KAZN: variants seen among roughly 807,000 people sequenced by gnomAD.
KAZN encodes the protein kazrin.
In KAZN, 40 loss-of-function variants were observed where a neutral mutation model predicts 87.4. That is an observed-to-expected ratio of 0.46 (90% CI 0.36 to 0.60). KAZN has a LOEUF of 0.60. Ranked by LOEUF, KAZN falls within the 20% of genes least tolerant of loss-of-function variation. The pLI is 0.00. For synonymous variants in KAZN, 466 were observed against 458.3 expected, an observed-to-expected ratio of 1.02 and a Z score of -0.22; for missense variants, 898 against 1,073.9, an observed-to-expected ratio of 0.84 and a Z score of 2.29.
At chr1:14,219,166 A>T (rs1231169074) in intron 2 of KAZN, among the ~76,000 whole-genome samples, 1 of 152,152 alleles carries the variant, frequency 6.6e-6, no homozygotes, top group Admixed American at 6.6e-5. Context: ...AGAGACATAA[A>T]AATAACAGGG....
chr1:14,457,324 A>G (rs1407598651), intron 2 of KAZN, among the ~76,000 whole-genome samples: 2 of 152,166 alleles, frequency 1.3e-5, no homozygotes, highest in Admixed American at 6.5e-5. Flanking sequence ...TCTCTTCTCT[A>G]AAATACCTGT....
Position 14,342,097 on chromosome 1 carries a change from C to A in KAZN, c.249+161505C>A, listed in dbSNP as rs545479831. On this transcript the variant is annotated intron_variant, in intron 2 of 16. Coordinates refer to the KAZN transcript ENST00000636203. ...AACATGTGGTATTTGGTTTTCTATTCCTGTGTTAGTTTGCTAAGGATAATG... is the reference window on the plus strand; with the variant it reads ...AACATGTGGTATTTGGTTTTCTATTACTGTGTTAGTTTGCTAAGGATAATG... Among the ~76,000 whole-genome samples, 75 of 152,294 alleles carry A rather than the reference C, an allele frequency of 4.9e-4. 1 individual carries two copies. Among genetic ancestry groups the A allele is most frequent in the Non-Finnish European group, 7.9e-4 (54 of 68,032 alleles).
chr1:13,893,667 T>C (rs1163496445), exon 1 of KAZN: 1 of 1,550,270 alleles, frequency 6.5e-7, no homozygotes, highest in Non-Finnish European at 8.7e-7. Flanking sequence ...AAAAGAGCCA[T>C]GGAATCCACG....
intron 2 of KAZN, among the ~76,000 whole-genome samples, chr1:14,419,529 T>G (rs1025358064): frequency 3.9e-5 from 6 of 152,218 alleles, no homozygotes; most frequent in African/African-American, 9.6e-5. Flanking sequence ...TGTGGGGAAG[T>G]GTCCGGAATT....
At chr1:14,116,459 G>A (rs949108551) in intron 1 of KAZN, among the ~76,000 whole-genome samples, 11 of 152,224 alleles carry the variant, frequency 7.2e-5, no homozygotes, top group Non-Finnish European at 1.5e-4. Flanking sequence ...GTGATGTTGA[G>A]CCTGCCAGTG....
chr1:15,034,768 G>T lies in KAZN; in HGVS notation c.438G>T (p.Lys146Asn). Residue 146 changes from lysine (K) to asparagine (N), a missense_variant, in exon 3 of 15, where the codon AAG (lysine) becomes AAT (asparagine). Physicochemically the swap from Lys to Asn is moderately conservative, Grantham distance 94. This residue lies in a region of KAZN where 250 missense variants were observed against 263.0 expected (regional missense o/e 0.95). Transcript: ENST00000376030. The stretch of plus-strand genomic sequence containing the variant: ...CCCCAGCCATGAAAGCTGATCGGAA[G>T]CGCTTAAAGGGCGAGAAGACAGACC... ...EALQAMKADR[K>N]RLKGEKTDLV... 1 of 1,614,198 alleles carries T rather than the reference G, an allele frequency of 6.2e-7. No homozygotes were observed. Among genetic ancestry groups the T allele is most frequent in the Non-Finnish European group, 8.5e-7 (1 of 1,180,020 alleles).
intron 1 of KAZN, among the ~76,000 whole-genome samples, chr1:14,945,031 G>T (rs1047412241): frequency 3.3e-5 from 5 of 152,198 alleles, no homozygotes; most frequent in African/African-American, 1.2e-4. Context: ...GCACCAGGCT[G>T]CACGGAGGCT....
At chr1:14,787,753 A>G (rs1375584685) in intron 1 of KAZN, among the ~76,000 whole-genome samples, 1 of 152,156 alleles carries the variant, frequency 6.6e-6, no homozygotes, top group Non-Finnish European at 1.5e-5. Context: ...GTTGTGCACA[A>G]CAGCCCTGTG....
intron 1 of KAZN, among the ~76,000 whole-genome samples, chr1:13,992,681 C>A (rs1639339559): frequency 1.3e-5 from 2 of 152,104 alleles, no homozygotes; most frequent in Non-Finnish European, 2.9e-5. Flanking sequence ...ACTCTCAGCT[C>A]TCTGGGAAGG....
chr1:14,367,366 G>T (rs1407470233), intron 2 of KAZN, among the ~76,000 whole-genome samples: 1 of 152,094 alleles, frequency 6.6e-6, no homozygotes, highest in African/African-American at 2.4e-5. Flanking sequence ...CCCTCTGAAG[G>T]CAAGCTACTT....
At chr1:14,054,124 G>GA (rs1203104831) in intron 1 of KAZN, among the ~76,000 whole-genome samples, 3 of 150,068 alleles carry the variant, frequency 2.0e-5, no homozygotes, top group African/African-American at 4.9e-5. Flanking sequence ...TCTACAAGTT[G>GA]AAAAAAAACT....
intron 2 of KAZN, among the ~76,000 whole-genome samples, chr1:14,495,227 T>G (rs1669873911): frequency 6.6e-6 from 1 of 152,208 alleles, no homozygotes; most frequent in African/African-American, 2.4e-5. Flanking sequence ...AAAGTAGATT[T>G]CATTGAAGGT....
intron 1 of KAZN, among the ~76,000 whole-genome samples, chr1:14,047,885 AAAATAAAGAAAGAAGGAAGG>A (rs1204177046): frequency 6.6e-6 from 1 of 151,902 alleles, no homozygotes; most frequent in Non-Finnish European, 1.5e-5. Flanking sequence ...AAGAAAAAAA[AAAATAAAGAAAGAAGGAAGG>A]AAAGAAAGAA....
chr1:14,614,719 T>C (rs955260102), intron 1 of KAZN, among the ~76,000 whole-genome samples: 13 of 152,258 alleles, frequency 8.5e-5, no homozygotes, highest in Non-Finnish European at 1.5e-5. Context: ...TATGTTGTCA[T>C]TTGAATACAA....
At chr1:14,930,624 G>A (rs1659704753) in intron 1 of KAZN, among the ~76,000 whole-genome samples, 1 of 152,142 alleles carries the variant, frequency 6.6e-6, no homozygotes, top group Admixed American at 6.5e-5. Flanking sequence ...CCATCTTACG[G>A]GTGAGACCAC....
At chr1:14,927,075 C>T (rs1659247342) in intron 1 of KAZN, among the ~76,000 whole-genome samples, 1 of 152,140 alleles carries the variant, frequency 6.6e-6, no homozygotes, top group South Asian at 2.1e-4. Context: ...GATGTTTGCA[C>T]AATCCGCACC....
At chr1:14,217,222 A>C (rs1646977051) in intron 2 of KAZN, among the ~76,000 whole-genome samples, 1 of 152,160 alleles carries the variant, frequency 6.6e-6, no homozygotes. Context: ...TGGGCCAATA[A>C]ATTTTTCTTC....
At chr1:14,625,363 G>A (rs180959937) in intron 1 of KAZN, among the ~76,000 whole-genome samples, 2 of 152,000 alleles carry the variant, frequency 1.3e-5, no homozygotes, top group African/African-American at 4.8e-5. Context: ...GCAAAGCCTC[G>A]CTCCCTACTA....
intron 2 of KAZN, among the ~76,000 whole-genome samples, chr1:14,301,172 G>A (rs963861970): frequency 2.0e-5 from 3 of 152,170 alleles, no homozygotes; most frequent in Non-Finnish European, 4.4e-5. Context: ...ACAAAGCTGG[G>A]CTTAGCATTC....
Sources: gnomAD v4.1 joint callset for allele counts (sites outside exome capture counted in the v4.1 genomes callset) on GRCh38, gnomAD v4.1.1 for gene constraint, gnomAD v4.1.1 regional missense constraint, MANE v1.5 for transcripts, NCBI Gene and HGNC (gene_info 2026-07-23, HGNC 2026-07-21) for gene names.